The following EFHD1 variants were observed in gnomAD, a reference collection of about 807,000 sequenced individuals.
EFHD1 encodes EF-hand domain-containing protein D1.
In EFHD1, 10 loss-of-function variants were observed where a neutral mutation model predicts 17.2. The observed-to-expected ratio is 0.58, with a 90% CI of 0.36 to 0.99. The LOEUF (loss-of-function observed/expected upper bound fraction) is 0.99. Among genes scored for constraint, EFHD1 ranks in the 50% least tolerant of loss-of-function variants. The pLI, the probability that EFHD1 is intolerant of heterozygous loss-of-function variation, is 0.01. For synonymous variants in EFHD1, 153 were observed against 142.0 expected (o/e 1.08, Z -0.55); for missense variants, 310 against 327.5 (o/e 0.95, Z 0.41).
At chr2:232,643,354 C>G (rs531460544) in intron 1 of EFHD1, among the ~76,000 whole-genome samples, 7 of 152,032 alleles carry the variant, frequency 4.6e-5, no homozygotes, top group South Asian at 2.1e-4. Context: ...TGGGTTTTTA[C>G]TGAATAACGT....
chr2:232,674,862 A>G (rs1014721774), intron 3 of EFHD1, among the ~76,000 whole-genome samples: 1 of 152,060 alleles, frequency 6.6e-6, no homozygotes, highest in African/African-American at 2.4e-5. Context: ...CAAGGCATAG[A>G]GGGTGAGACG....
chr2:232,641,231 G>A (rs1338432033), intron 1 of EFHD1, among the ~76,000 whole-genome samples: 2 of 151,920 alleles, frequency 1.3e-5, no homozygotes, highest in Non-Finnish European at 2.9e-5. Flanking sequence ...TTGTAGAGAC[G>A]GGGTTTTGAC....
chr2:232,617,445 C>T (rs753025014), intron 1 of EFHD1, among the ~76,000 whole-genome samples: 3 of 150,760 alleles, frequency 2.0e-5, no homozygotes, highest in Non-Finnish European at 4.4e-5. Flanking sequence ...GTCAGGAGAT[C>T]GAGACTATCC....
At chr2:232,680,774 G>A (rs1348959774) in intron 3 of EFHD1, among the ~76,000 whole-genome samples, 1 of 151,986 alleles carries the variant, frequency 6.6e-6, no homozygotes, top group Admixed American at 6.6e-5. Flanking sequence ...CTCCCAAAGT[G>A]CTGGGATTAC....
intron 2 of EFHD1, among the ~76,000 whole-genome samples, chr2:232,670,630 ATAAAT>A (rs1486161142): frequency 6.6e-6 from 1 of 151,390 alleles, no homozygotes; most frequent in African/African-American, 2.4e-5. Flanking sequence ...ATAAATAAAA[ATAAAT>A]TTCAGAGATT....
chr2:232,634,053 C>T (rs1433155808), intron 1 of EFHD1, 47 bp downstream of exon 1: 2 of 1,590,498 alleles, frequency 1.3e-6, no homozygotes, highest in Non-Finnish European at 1.7e-6. Context: ...AGGGAGGGAG[C>T]GGGAGGGCTT....
Position 232,617,141 on chromosome 2 carries a change from C to G in EFHD1, c.14+10968C>G, listed in dbSNP as rs538445324. On this transcript the variant is annotated intron_variant, in intron 1 of 3. Transcript: ENST00000409613. Reference sequence around the variant, plus strand: ...CATGTGGCACTTTCAGCATGGCAGCCTCCAAGCAATCAGATTCCATTCGCG... The same window carrying G: ...CATGTGGCACTTTCAGCATGGCAGCGTCCAAGCAATCAGATTCCATTCGCG... Among the ~76,000 whole-genome samples the G allele has an allele frequency of 1.1e-3, 171 of 152,338 alleles. 2 individuals are homozygous for G. Among genetic ancestry groups the G allele is most frequent in the Non-Finnish European group, 1.4e-3 (96 of 68,036 alleles).
At chr2:232,615,312 A>AGTTGTGT (rs1553594510) in intron 1 of EFHD1, among the ~76,000 whole-genome samples, 1 of 136,476 alleles carries the variant, frequency 7.3e-6, no homozygotes, top group Non-Finnish European at 1.6e-5. Context: ...TGTCAACTAT[A>AGTTGTGT]GTGTGTGTGT....
At chr2:232,634,374 G>T (rs183639716) in intron 1 of EFHD1, among the ~76,000 whole-genome samples, 1 of 152,206 alleles carries the variant, frequency 6.6e-6, no homozygotes, top group Non-Finnish European at 1.5e-5. Flanking sequence ...TCACCTGCCA[G>T]CTTTCACTGT....
intron 1 of EFHD1, among the ~76,000 whole-genome samples, chr2:232,637,800 G>T (rs1574711642): frequency 6.6e-6 from 1 of 152,166 alleles, no homozygotes; most frequent in Non-Finnish European, 1.5e-5. Flanking sequence ...TGGGAGACAT[G>T]CTTTGATCGT....
At chr2:232,648,314 C>T (rs1392523928) in intron 1 of EFHD1, among the ~76,000 whole-genome samples, 1 of 152,108 alleles carries the variant, frequency 6.6e-6, no homozygotes, top group Non-Finnish European at 1.5e-5. Context: ...TGGGTCAAAG[C>T]TTTTGTATCT....
chr2:232,675,100 C>T (rs1401737633), intron 3 of EFHD1, among the ~76,000 whole-genome samples: 6 of 150,920 alleles, frequency 4.0e-5, no homozygotes, highest in Non-Finnish European at 5.9e-5. Flanking sequence ...TGCTTGAACC[C>T]GGGAGGCGGA....
At chr2:232,615,837 G>A (rs1430044786) in intron 1 of EFHD1, among the ~76,000 whole-genome samples, 8 of 151,864 alleles carry the variant, frequency 5.3e-5, no homozygotes, top group Non-Finnish European at 7.4e-5. Context: ...ACAGGCATGC[G>A]CCACCAGGCC....
In EFHD1 at chr2:232,620,689, A is replaced by T. The variant is rs1694004553; in HGVS notation, c.14+14516A>T. ...GAAGATACCTTCTCTAAGTGTACAT[A>T]ATTAAATCTTGAAATACATTTTCTT... On this transcript the variant is annotated intron_variant, in intron 1 of 3. Coordinates refer to the EFHD1 transcript ENST00000409613. Among the ~76,000 whole-genome samples the T allele has an allele frequency of 1.3e-5, 2 of 152,102 alleles. 1 individual carries two copies. Among genetic ancestry groups the T allele is most frequent in the South Asian group, 4.1e-4 (2 of 4,828 alleles).
At chr2:232,667,955 G>A (rs1309471493) in intron 2 of EFHD1, among the ~76,000 whole-genome samples, 5 of 152,212 alleles carry the variant, frequency 3.3e-5, no homozygotes, top group African/African-American at 1.2e-4. Flanking sequence ...AATACCGTGG[G>A]AGTGTTTGCA....
intron 1 of EFHD1, among the ~76,000 whole-genome samples, chr2:232,616,502 T>C (rs1182304084): frequency 2.6e-5 from 4 of 152,052 alleles, no homozygotes; most frequent in Non-Finnish European, 4.4e-5. Flanking sequence ...TTTCACCATA[T>C]TGGTCAAGCT....
At chr2:232,615,333 G>GTGTA (rs1298689504) in intron 1 of EFHD1, among the ~76,000 whole-genome samples, 2 of 142,852 alleles carry the variant, frequency 1.4e-5, no homozygotes, top group African/African-American at 4.9e-5. Flanking sequence ...GTGTGTGTGT[G>GTGTA]TGTGTGTGTG....
chr2:232,631,286 TTCTCTCTCTCTCTCTCTG>T (rs1300760217), upstream of EFHD1, among the ~76,000 whole-genome samples: 3 of 148,118 alleles, frequency 2.0e-5, no homozygotes, highest in South Asian at 2.2e-4. Flanking sequence ...CTCTCTTTCT[TTCTCTCTCTCTCTCTCTG>T]TCTCTCTCTC....
upstream of EFHD1, among the ~76,000 whole-genome samples, chr2:232,630,797 A>AAGAAAG (rs534745564): frequency 3.6e-5 from 5 of 138,106 alleles, no homozygotes; most frequent in Non-Finnish European, 6.2e-5. Flanking sequence ...AAAAAAAAAA[A>AAGAAAG]AAAGAAAGAA....
Sources: allele counts gnomAD v4.1 joint callset (sites outside exome capture counted in the v4.1 genomes callset), GRCh38; gene constraint gnomAD v4.1.1; transcripts MANE v1.5; gene names NCBI Gene and HGNC (gene_info 2026-07-23, HGNC 2026-07-21).